Variants in NT5DC2 observed in about 807,000 individuals in gnomAD.
NT5DC2 encodes the protein 5'-nucleotidase domain containing 2, also known as 5'-nucleotidase domain-containing protein 2.
In NT5DC2, 41 loss-of-function variants were observed where a neutral mutation model predicts 70.0. The observed-to-expected ratio is 0.59, with a 90% CI of 0.46 to 0.76. NT5DC2 has a LOEUF of 0.76. Ranked by LOEUF, NT5DC2 falls within the 30% of genes least tolerant of loss-of-function variation. The pLI, the probability that NT5DC2 is intolerant of heterozygous loss-of-function variation, is 0.00. For missense variants in NT5DC2, 705 were observed against 783.2 expected, an observed-to-expected ratio of 0.90 and a Z score of 1.19; for synonymous variants, 299 against 310.4, an observed-to-expected ratio of 0.96 and a Z score of 0.39.
intron 10 of NT5DC2, chr3:52,525,933 G>GAAAC (rs1422017425): frequency 6.6e-6 from 1 of 152,424 alleles, no homozygotes; most frequent in South Asian, 2.1e-4. Context: ...AGCGCTGGGG[G>GAAAC]AAACAGGTGG....
intron 1 of NT5DC2, among the ~76,000 whole-genome samples, chr3:52,530,505 G>A (rs1470140437): frequency 6.6e-6 from 1 of 152,194 alleles, no homozygotes. Flanking sequence ...ATGACTTCAG[G>A]AATGTCACCT....
In NT5DC2 at chr3:52,529,201, C is replaced by G; in HGVS notation, c.366G>C (p.Leu122=). The part of the protein sequence containing the change: ...DYTLAQYADA[L]HPEIFSTARD... Reference sequence around the variant, plus strand: ...GGGCGGTACTGAAGATCTCGGGGTGCAGTGCGTCTGCATACTGGGCCAGGG... The same window carrying G: ...GGGCGGTACTGAAGATCTCGGGGTGGAGTGCGTCTGCATACTGGGCCAGGG... Residue 122 remains leucine (L), a synonymous_variant, in exon 2 of 14, where the codon CTG becomes CTC. Coordinates refer to ENST00000422318, the MANE Select transcript of NT5DC2 (RefSeq NM_001134231.2). The surrounding 1 kb of genome is among the most constrained non-coding windows in gnomAD (Gnocchi z 4.1). The G allele has an allele frequency of 6.2e-7, 1 of 1,614,090 alleles. No individual in the cohort carries two copies. The highest frequency in any genetic ancestry group is 8.5e-7 in the Non-Finnish European group (1 of 1,179,998).
Position 52,533,523 on chromosome 3 carries a change from A to G in NT5DC2, c.215T>C (p.Met72Thr), listed in dbSNP as rs2079388387. 6.8e-7 allele frequency: 1 copy of G among 1,472,172 alleles called. No homozygotes were observed. The highest frequency in any genetic ancestry group is 2.4e-5 in the Admixed American group (1 of 41,940). The allele number at this position is 1,472,172 out of a possible 1,614,324, so 91.2% of individuals were successfully genotyped here. A position where few individuals can be genotyped will look rare whatever the true frequency, so the allele number is the denominator to read the frequency against. Residue 72 changes from methionine (M) to threonine (T), a missense_variant, in exon 1 of 14, where the codon ATG becomes ACG. Physicochemically the swap from Met to Thr is moderately conservative, Grantham distance 81 (BLOSUM62 -1). Transcript: ENST00000422318. ...TCACCCACCGTGCACCAGTCTCCGC[A>G]TGTCCTGGTAGCGAGCCCATAGGTG... is the stretch of plus-strand genomic sequence containing the variant. The part of the protein sequence containing the change: ...SAHLWARYQD[M>T]RRLVHDLLPP...
At chr3:52,533,388 CG>C in intron 1 of NT5DC2, 117 bp downstream of exon 1, 1 of 1,133,812 alleles carries the variant, frequency 8.8e-7, no homozygotes, top group Non-Finnish European at 1.2e-6. Context: ...CCTTGCGCTC[CG>C]GGGCCCTGGC....
chr3:52,534,630 C>T (rs2079405266), upstream of NT5DC2: 2 of 1,613,532 alleles, frequency 1.2e-6, no homozygotes, highest in South Asian at 1.1e-5. Context: ...CTCTTTCCTG[C>T]GCAGAACCGC....
rs2079362720 is a variant in NT5DC2 at position 52,531,816 on chromosome 3, G to C, written c.232+1690C>G. The stretch of plus-strand genomic sequence containing the variant: ...CTGCTCCCTAGCAGCCGTGACACTT[G>C]TGGATGCCTTAGAGGCTTGTCTTGT... On this transcript the variant is annotated intron_variant, in intron 1 of 13. Coordinates refer to ENST00000422318, the MANE Select transcript of NT5DC2 (RefSeq NM_001134231.2). The surrounding 1 kb of genome is among the most constrained non-coding windows in gnomAD (Gnocchi z 4.1). Among the ~76,000 whole-genome samples, 1 of 152,190 alleles carries C rather than the reference G, an allele frequency of 6.6e-6. No homozygotes were observed. Among genetic ancestry groups the C allele is most frequent in the African/African-American group, 2.4e-5 (1 of 41,452 alleles).
upstream of NT5DC2, chr3:52,534,794 G>C (rs544960791): frequency 5.0e-6 from 5 of 999,026 alleles, no homozygotes; most frequent in East Asian, 1.2e-4. Flanking sequence ...TGGCCGCGCT[G>C]TCTTTCAGGG....
Position 52,528,028 on chromosome 3 carries a change from T to G in NT5DC2, c.817A>C (p.Ile273Leu). 6.2e-7 allele frequency: 1 copy of G among 1,612,136 alleles called. No individual in the cohort carries two copies. Among genetic ancestry groups the G allele is most frequent in the Non-Finnish European group, 8.5e-7 (1 of 1,179,516 alleles). Reference protein sequence around the residue: ...VHVKGLMYQWIEQDMEKYILR... With the variant: ...VHVKGLMYQWLEQDMEKYILR... ...CCACACTTACCCATGTCCTGCTCGA[T>G]CCACTGGTACATGAGGCCCTTCACA... The change falls in exon 7 of 14, where the codon ATC becomes CTC. Residue 273 changes from isoleucine to leucine, a missense_variant. Physicochemically the swap from Ile to Leu is conservative, Grantham distance 5 (BLOSUM62 2). Transcript: ENST00000422318.
rs1024618100 is a variant in NT5DC2 at position 52,528,025 on chromosome 3, C to T, written c.820G>A (p.Glu274Lys). The stretch of plus-strand genomic sequence containing the variant: ...TGTCCACACTTACCCATGTCCTGCT[C>T]GATCCACTGGTACATGAGGCCCTTC... The part of the protein sequence containing the change: ...HVKGLMYQWI[E>K]QDMEKYILRG... The change falls in exon 7 of 14, where the codon GAG (glutamate) becomes AAG (lysine). Residue 274 changes from glutamate (E) to lysine (K), a missense_variant. Glu to Lys is a moderately conservative substitution (Grantham distance 56). Transcript: ENST00000422318. 7.4e-6 allele frequency: 12 copies of T among 1,611,978 alleles called. No homozygotes were observed. Among genetic ancestry groups the T allele is most frequent in the South Asian group, 2.2e-5 (2 of 90,824 alleles).
At chr3:52,525,534 C>A in intron 10 of NT5DC2, 2 of 547,668 alleles carry the variant, frequency 3.7e-6, no homozygotes, top group Non-Finnish European at 6.6e-6. Context: ...GCCTCGAGGG[C>A]CTTCTCCCTG....
intron 1 of NT5DC2, among the ~76,000 whole-genome samples, chr3:52,533,305 G>A (rs2153245403): frequency 6.6e-6 from 1 of 152,116 alleles, no homozygotes; most frequent in South Asian, 2.1e-4. Flanking sequence ...CCTCCCGCCC[G>A]CCCCCGGGCG....
In NT5DC2 at chr3:52,524,849, C is replaced by A. The variant is rs1282130014; in HGVS notation, c.1380G>T (p.Leu460=). The change falls in exon 13 of 14, where the codon CTG becomes CTT. Residue 460 remains leucine, a synonymous_variant. Coordinates refer to ENST00000422318, the MANE Select transcript of NT5DC2 (RefSeq NM_001134231.2). The stretch of plus-strand genomic sequence containing the variant: ...CCTGCCGCTCTTTCATCCAGGCAGC[C>A]AGCACCTGCCTCGACTCCGCGTCCT... ...TYQDAESRQV[L]AAWMKERQEL... 1 of 1,612,738 alleles carries A rather than the reference C, an allele frequency of 6.2e-7. No individual in the cohort carries two copies. Among genetic ancestry groups the A allele is most frequent in the Non-Finnish European group, 8.5e-7 (1 of 1,180,012 alleles).
chr3:52,528,571 G>T, intron 4 of NT5DC2, 32 bp from the exon 5 acceptor site: 1 of 1,361,844 alleles, frequency 7.3e-7, no homozygotes, highest in Non-Finnish European at 1.0e-6. Context: ...TCAGTCCAAG[G>T]TAGTCCTGAG....
chr3:52,525,039 C>T lies in NT5DC2; in HGVS notation c.1271G>A (p.Arg424His), dbSNP rs747138743. 19 of 1,602,926 alleles carry T rather than the reference C, an allele frequency of 1.2e-5. No homozygotes were observed. The Admixed American group carries it at 1.7e-4, about 14-fold the overall frequency. Residue 424 changes from arginine to histidine, a missense_variant, in exon 12 of 14, where the codon CGC becomes CAC. Physicochemically the swap from Arg to His is conservative, Grantham distance 29. Transcript: ENST00000422318. ...AIIPELEREI[R>H]IINTEQYMHS... ...CATGTACTGCTCCGTGTTGATGATG[C>T]GGATCTCACGCTCCAGCTCGGGGAT...
chr3:52,533,384 G>T, intron 1 of NT5DC2, 122 bp downstream of exon 1: 1 of 1,091,684 alleles, frequency 9.2e-7, no homozygotes, highest in Non-Finnish European at 1.2e-6. Flanking sequence ...CGGCCCTTGC[G>T]CTCCGGGGCC....
At position 52,533,821 on chromosome 3, in the gene NT5DC2, C is replaced by T. The variant is rs1055688160; in HGVS notation, c.-84G>A. 1.2e-5 allele frequency: 12 copies of T among 977,880 alleles called. No individual in the cohort carries two copies. In the African/African-American group the frequency reaches 2.0e-4, roughly 16 times the overall value. 60.6% of individuals were successfully genotyped at this position (977,880 alleles called of 1,614,324 possible). A position where few individuals can be genotyped will look rare whatever the true frequency, so the allele number is the denominator to read the frequency against. ...CGCCGCCCTCCGACTGCGCGCCCGC[C>T]ACGGTGGCCTCGTGCTCCTCACGGC... On this transcript the variant is annotated 5_prime_UTR_variant, in exon 1 of 14. Coordinates refer to ENST00000422318, the MANE Select transcript of NT5DC2 (RefSeq NM_001134231.2).
In NT5DC2 at chr3:52,525,484, G is replaced by C. The variant is rs575421419; in HGVS notation, c.1120-189C>G. 18 of 607,484 alleles carry C rather than the reference G, an allele frequency of 3.0e-5. No individual in the cohort carries two copies. The South Asian group carries it at 3.5e-4, about 12-fold the overall frequency. 37.6% of individuals were successfully genotyped at this position (607,484 alleles called of 1,614,324 possible). On this transcript the variant is annotated intron_variant, in intron 10 of 13. Transcript: ENST00000422318. ...CCTACTTGGGAAGGGGATTCTGCCT[G>C]CTGCAGGAAGGTGCCCTACAGGCCT...
chr3:52,527,001 TAG>T (rs2079284359), intron 10 of NT5DC2, among the ~76,000 whole-genome samples: 2 of 152,192 alleles, frequency 1.3e-5, no homozygotes, highest in South Asian at 2.1e-4. Flanking sequence ...ACAGCTTCAG[TAG>T]AGAGTATTAC....
chr3:52,528,326 A>G lies in NT5DC2; in HGVS notation c.643-15T>C, dbSNP rs1374096601. The G allele has an allele frequency of 8.7e-6, 14 of 1,613,034 alleles. No individual in the cohort carries two copies. The highest frequency in any genetic ancestry group is 1.1e-5 in the Non-Finnish European group (13 of 1,179,992). On this transcript the variant is annotated splice_polypyrimidine_tract_variant and intron_variant, in intron 5 of 13. Transcript: ENST00000422318. ...ATGGAGGGACCCTGGGGAGGGGGCCATTGTCTCAGACACCCTTTGGGACCC... is the reference window on the plus strand; with the variant it reads ...ATGGAGGGACCCTGGGGAGGGGGCCGTTGTCTCAGACACCCTTTGGGACCC...
Sources: allele counts gnomAD v4.1 joint callset (sites outside exome capture counted in the v4.1 genomes callset), GRCh38; gene constraint gnomAD v4.1.1; non-coding constraint Gnocchi (gnomAD v3.1); transcripts MANE v1.5; gene names NCBI Gene and HGNC (gene_info 2026-07-23, HGNC 2026-07-21).